The following PPP4R2 variants were observed in gnomAD, a reference collection of about 807,000 sequenced individuals.
PPP4R2 encodes protein phosphatase 4 regulatory subunit 2.
In PPP4R2, 13 loss-of-function variants were observed where a neutral mutation model predicts 47.2. The ratio of observed to expected loss-of-function variants is 0.28; its 90% CI spans 0.18 to 0.44. PPP4R2 has a LOEUF of 0.44. Ranked by LOEUF, PPP4R2 falls within the 20% of genes least tolerant of loss-of-function variation. PPP4R2 has a pLI of 1.00. For missense variants in PPP4R2, 421 were observed against 491.2 expected (o/e 0.86, Z 1.35); for synonymous variants, 151 against 163.3 (o/e 0.92, Z 0.57).
chr3:73,049,215 G>A (rs892015723), intron 3 of PPP4R2, among the ~76,000 whole-genome samples: 20 of 152,130 alleles, frequency 1.3e-4, no homozygotes, highest in African/African-American at 4.1e-4. Flanking sequence ...AATACTTCTC[G>A]GGGCCAGGTG....
chr3:73,013,794 G>A (rs1403958419), intron 2 of PPP4R2, among the ~76,000 whole-genome samples: 1 of 151,952 alleles, frequency 6.6e-6, no homozygotes, highest in East Asian at 1.9e-4. Context: ...ACGTGCCACC[G>A]TGCCCAGCTA....
At chr3:73,040,377 A>G (rs553262355) in intron 2 of PPP4R2, among the ~76,000 whole-genome samples, 4 of 152,366 alleles carry the variant, frequency 2.6e-5, no homozygotes, top group South Asian at 2.1e-4. Context: ...TTCGGACTCA[A>G]TAATTTCACT....
At chr3:73,047,900 G>GGTGTCTC (rs1373579718) in intron 3 of PPP4R2, among the ~76,000 whole-genome samples, 3 of 152,134 alleles carry the variant, frequency 2.0e-5, no homozygotes, top group African/African-American at 7.2e-5. Context: ...TTTTTGAGAA[G>GGTGTCTC]GTGTCTCGCT....
intron 2 of PPP4R2, among the ~76,000 whole-genome samples, chr3:73,037,031 T>C (rs942077058): frequency 2.0e-5 from 3 of 152,196 alleles, no homozygotes; most frequent in Admixed American, 2.0e-4. Context: ...ACATATGTCT[T>C]TCAGTCTCCC....
chr3:73,046,360 T>A (rs1235727099), intron 2 of PPP4R2, among the ~76,000 whole-genome samples: 4 of 152,166 alleles, frequency 2.6e-5, no homozygotes, highest in African/African-American at 9.7e-5. Flanking sequence ...GTTTAAGTAG[T>A]CAACCTGTGT....
At chr3:73,016,092 A>G (rs1027513093) in intron 2 of PPP4R2, 2 of 152,602 alleles carry the variant, frequency 1.3e-5, no homozygotes, top group African/African-American at 2.4e-5. Flanking sequence ...ATAGTTTTAA[A>G]TGACATATTT....
intron 2 of PPP4R2, among the ~76,000 whole-genome samples, chr3:73,012,260 G>C (rs1296588347): frequency 6.6e-6 from 1 of 152,126 alleles, no homozygotes; most frequent in African/African-American, 2.4e-5. Flanking sequence ...GTAATGACGA[G>C]AAATGTCTCC....
intron 2 of PPP4R2, among the ~76,000 whole-genome samples, chr3:73,030,940 G>C (rs1362780224): frequency 6.6e-6 from 1 of 152,014 alleles, no homozygotes; most frequent in African/African-American, 2.4e-5. Context: ...GAGCTCAGGT[G>C]ATCTGCCCGC....
At chr3:73,037,977 C>G (rs1043176505) in intron 2 of PPP4R2, among the ~76,000 whole-genome samples, 8 of 152,158 alleles carry the variant, frequency 5.3e-5, no homozygotes, top group African/African-American at 1.9e-4. Context: ...TCAGGACTTG[C>G]TAACTGCTGT....
intron 2 of PPP4R2, among the ~76,000 whole-genome samples, chr3:73,024,550 TTAG>T (rs1169943076): frequency 6.6e-6 from 1 of 152,192 alleles, no homozygotes; most frequent in African/African-American, 2.4e-5. Context: ...TTGAATTAAT[TTAG>T]TAGTCTCACA....
intron 2 of PPP4R2, among the ~76,000 whole-genome samples, chr3:73,034,872 T>C (rs1447937768): frequency 6.7e-6 from 1 of 149,432 alleles, no homozygotes; most frequent in African/African-American, 2.5e-5. Context: ...TTTCCAACAG[T>C]TCAGATCATT....
intron 5 of PPP4R2, chr3:73,062,045 G>C (rs1266167851): frequency 1.4e-6 from 2 of 1,434,854 alleles, no homozygotes; most frequent in Non-Finnish European, 1.9e-6. Flanking sequence ...TTGGAAAAAT[G>C]GTAAAGAAGT....
intron 5 of PPP4R2, chr3:73,061,749 G>C (rs1437980896): frequency 8.4e-6 from 2 of 238,782 alleles, no homozygotes; most frequent in African/African-American, 4.7e-5. Context: ...TGTTACCCAG[G>C]CTGGAGTGCG....
At chr3:73,049,709 C>G (rs1370140203) in intron 3 of PPP4R2, among the ~76,000 whole-genome samples, 3 of 150,870 alleles carry the variant, frequency 2.0e-5, no homozygotes, top group African/African-American at 7.3e-5. Context: ...ATTTTCAGTT[C>G]ATTCACATTA....
intron 2 of PPP4R2, among the ~76,000 whole-genome samples, chr3:73,021,166 A>G (rs957441396): frequency 2.0e-5 from 3 of 152,066 alleles, no homozygotes; most frequent in Admixed American, 6.6e-5. Flanking sequence ...AAGTGAACTC[A>G]TATAGCTCAC....
intron 2 of PPP4R2, among the ~76,000 whole-genome samples, chr3:73,024,922 C>T (rs578081553): frequency 6.6e-6 from 1 of 152,198 alleles, no homozygotes; most frequent in African/African-American, 2.4e-5. Flanking sequence ...AGCTACACTA[C>T]CAAGCCAAAG....
chr3:73,014,987 A>G (rs1701794055), intron 2 of PPP4R2: 1 of 690,532 alleles, frequency 1.4e-6, no homozygotes, highest in African/African-American at 1.8e-5. Flanking sequence ...TGCAGATGTA[A>G]GCAGCCTCAC....
chr3:73,018,455 A>ATGTTATGTTATGTTATGTT (rs1701895057), intron 2 of PPP4R2, among the ~76,000 whole-genome samples: 1 of 102,896 alleles, frequency 9.7e-6, no homozygotes, highest in African/African-American at 4.3e-5. Context: ...TATGTTATTT[A>ATGTTATGTTATGTTATGTT]TGTTATGTTA....
At chr3:73,005,784 C>G (rs911507886) in intron 2 of PPP4R2, among the ~76,000 whole-genome samples, 6 of 142,228 alleles carry the variant, frequency 4.2e-5, no homozygotes, top group Admixed American at 1.5e-4. Context: ...GTGAGCCGAG[C>G]TCACGTCGTT....
Sources: allele counts gnomAD v4.1 joint callset (sites outside exome capture counted in the v4.1 genomes callset), GRCh38; gene constraint gnomAD v4.1.1; transcripts MANE v1.5; gene names NCBI Gene and HGNC (gene_info 2026-07-23, HGNC 2026-07-21).